DOK5: variants seen among roughly 807,000 people sequenced by gnomAD.
DOK5 encodes docking protein 5.
Under a neutral mutation model 43.3 loss-of-function variants are expected in DOK5, and 27 were observed. That is an observed-to-expected ratio of 0.62 (90% CI 0.46 to 0.86). The LOEUF (loss-of-function observed/expected upper bound fraction) is 0.86. Among genes scored for constraint, DOK5 ranks in the 40% least tolerant of loss-of-function variants. DOK5 has a pLI of 0.00. For synonymous variants in DOK5, 146 were observed against 140.1 expected, an observed-to-expected ratio of 1.04 and a Z score of -0.30; for missense variants, 373 against 392.9, an observed-to-expected ratio of 0.95 and a Z score of 0.43.
chr20:54,635,390 G>T (rs1490712286), intron 6 of DOK5, among the ~76,000 whole-genome samples: 1 of 152,082 alleles, frequency 6.6e-6, no homozygotes, highest in African/African-American at 2.4e-5. Context: ...ATTCTGATAG[G>T]ATATATTTAC....
chr20:54,485,964 G>A (rs1981917301), intron 1 of DOK5, among the ~76,000 whole-genome samples: 1 of 152,084 alleles, frequency 6.6e-6, no homozygotes, highest in Non-Finnish European at 1.5e-5. Flanking sequence ...AAAATGCCTG[G>A]ATTGCTTATT....
Position 54,531,488 on chromosome 20 carries a change from A to T in DOK5, c.67-23445A>T, listed in dbSNP as rs560868587. Reference sequence around the variant, plus strand: ...TATAACAAATCAGAGTAAGAATGCCATTCCAGGGCTTTGCAATATTCAGCA... The same window carrying T: ...TATAACAAATCAGAGTAAGAATGCCTTTCCAGGGCTTTGCAATATTCAGCA... On this transcript the variant is annotated intron_variant, in intron 1 of 7. Transcript: ENST00000262593. 7.9e-5 allele frequency among the ~76,000 whole-genome samples: 12 copies of T among 152,316 alleles called. No homozygotes were observed. In the South Asian group the frequency reaches 2.3e-3, roughly 29 times the overall value.
At chr20:54,589,619 G>T (rs1287267287) in intron 4 of DOK5, among the ~76,000 whole-genome samples, 4 of 152,134 alleles carry the variant, frequency 2.6e-5, no homozygotes, top group East Asian at 1.9e-4. Flanking sequence ...TCTGCTGTAG[G>T]CTGACTTGAT....
chr20:54,643,674 GTT>G, intron 7 of DOK5, 96 bp downstream of exon 7: 1 of 1,460,800 alleles, frequency 6.8e-7, no homozygotes, highest in East Asian at 2.5e-5. Flanking sequence ...ATGCCAGCTG[GTT>G]AGTGCCCTTC....
intron 1 of DOK5, among the ~76,000 whole-genome samples, chr20:54,492,916 G>A (rs1055639003): frequency 6.6e-6 from 1 of 151,916 alleles, no homozygotes; most frequent in Non-Finnish European, 1.5e-5. Flanking sequence ...TTAGCCAGGA[G>A]TGGTGGCGGG....
chr20:54,533,693 T>TA (rs1047140977), intron 1 of DOK5, among the ~76,000 whole-genome samples: 2 of 152,218 alleles, frequency 1.3e-5, no homozygotes, highest in African/African-American at 2.4e-5. Flanking sequence ...GTATTTTTTT[T>TA]ACTTTAATTC....
chr20:54,605,757 A>G (rs1219273149), intron 5 of DOK5, among the ~76,000 whole-genome samples: 2 of 152,246 alleles, frequency 1.3e-5, no homozygotes, highest in Non-Finnish European at 2.9e-5. Flanking sequence ...AAACCAAGCC[A>G]TGCTCTAGGC....
intron 5 of DOK5, among the ~76,000 whole-genome samples, chr20:54,592,520 C>T (rs948676916): frequency 1.3e-5 from 2 of 151,342 alleles, no homozygotes; most frequent in African/African-American, 4.9e-5. Flanking sequence ...ATTTAGGCTT[C>T]GTTTGGGAAC....
At chr20:54,484,892 C>T (rs1272167020) in intron 1 of DOK5, among the ~76,000 whole-genome samples, 2 of 152,100 alleles carry the variant, frequency 1.3e-5, no homozygotes, top group African/African-American at 4.8e-5. Flanking sequence ...GTGGTACACG[C>T]CTGTAGTGCT....
intron 2 of DOK5, among the ~76,000 whole-genome samples, chr20:54,580,548 A>G (rs1474643200): frequency 1.3e-5 from 2 of 151,936 alleles, no homozygotes; most frequent in Non-Finnish European, 2.9e-5. Context: ...TTTTCTGATA[A>G]TAGCCATCCT....
intron 5 of DOK5, among the ~76,000 whole-genome samples, chr20:54,595,021 T>C (rs1359062770): frequency 2.0e-5 from 3 of 152,112 alleles, no homozygotes; most frequent in Non-Finnish European, 4.4e-5. Flanking sequence ...ATATGGGGTG[T>C]GTGTGTATGT....
chr20:54,557,496 C>T (rs1984744541), intron 2 of DOK5, among the ~76,000 whole-genome samples: 1 of 152,190 alleles, frequency 6.6e-6, no homozygotes, highest in South Asian at 2.1e-4. Flanking sequence ...AGTACTGGTC[C>T]AGTACCCATC....
intron 1 of DOK5, among the ~76,000 whole-genome samples, chr20:54,509,362 A>C (rs1982934844): frequency 6.6e-6 from 1 of 151,518 alleles, no homozygotes; most frequent in African/African-American, 2.4e-5. Context: ...GGTTAATTTT[A>C]CAATTTTTTT....
At chr20:54,634,556 C>T (rs555716297) in intron 6 of DOK5, among the ~76,000 whole-genome samples, 20 of 147,542 alleles carry the variant, frequency 1.4e-4, no homozygotes, top group African/African-American at 5.1e-4. Context: ...ATTCTCTTGC[C>T]TCAGCCTCCT....
intron 2 of DOK5, among the ~76,000 whole-genome samples, chr20:54,571,199 C>A (rs943434790): frequency 6.6e-6 from 1 of 152,192 alleles, no homozygotes; most frequent in African/African-American, 2.4e-5. Context: ...TTAACTATTT[C>A]TTAAATATCT....
chr20:54,551,782 G>A lies in DOK5; in HGVS notation c.67-3151G>A, dbSNP rs183940658. 7.9e-5 allele frequency among the ~76,000 whole-genome samples: 12 copies of A among 151,998 alleles called. No individual in the cohort carries two copies. In the East Asian group the frequency reaches 2.1e-3, roughly 27 times the overall value. On this transcript the variant is annotated intron_variant, in intron 1 of 7. Coordinates refer to ENST00000262593, the MANE Select transcript of DOK5 (RefSeq NM_018431.5). ...TTGACTAATTATACTAATACCTCTGGGTATTTAAAAAATAACAGAATCCTC... is the reference window on the plus strand; with the variant it reads ...TTGACTAATTATACTAATACCTCTGAGTATTTAAAAAATAACAGAATCCTC...
intron 5 of DOK5, among the ~76,000 whole-genome samples, chr20:54,608,877 G>A (rs1986553984): frequency 6.6e-6 from 1 of 152,032 alleles, no homozygotes; most frequent in Admixed American, 6.5e-5. Flanking sequence ...GTTTCACCAT[G>A]TTGGCCAAGC....
At chr20:54,534,506 T>G (rs146894185) in intron 1 of DOK5, among the ~76,000 whole-genome samples, 1 of 152,182 alleles carries the variant, frequency 6.6e-6, no homozygotes, top group Non-Finnish European at 1.5e-5. Context: ...CTCCATAATG[T>G]ATTAGCTGTG....
intron 5 of DOK5, among the ~76,000 whole-genome samples, chr20:54,593,805 C>T (rs976671986): frequency 6.6e-6 from 1 of 152,190 alleles, no homozygotes; most frequent in Non-Finnish European, 1.5e-5. Context: ...CCATGGAACA[C>T]TATGCAGCCA....
Sources: allele counts gnomAD v4.1 joint callset (sites outside exome capture counted in the v4.1 genomes callset), GRCh38; gene constraint gnomAD v4.1.1; transcripts MANE v1.5; gene names NCBI Gene and HGNC (gene_info 2026-07-23, HGNC 2026-07-21).